PRR16: variants seen among roughly 807,000 people sequenced by gnomAD.
PRR16 encodes the protein protein Largen.
In PRR16, 6 loss-of-function variants were observed where a neutral mutation model predicts 18.2. The ratio of observed to expected loss-of-function variants is 0.33; its 90% confidence interval spans 0.18 to 0.65. The LOEUF is 0.65. Among genes scored for constraint, PRR16 ranks in the 30% least tolerant of loss-of-function variants. PRR16 has a pLI of 0.74. For synonymous variants in PRR16, 151 were observed against 147.8 expected (o/e 1.02, Z -0.16); for missense variants, 412 against 376.6 (o/e 1.09, Z -0.78).
At chr5:120,487,803 T>C (rs1334370182) in intron 1 of PRR16, among the ~76,000 whole-genome samples, 2 of 152,214 alleles carry the variant, frequency 1.3e-5, no homozygotes, top group African/African-American at 4.8e-5. Context: ...ATAGCTCTTA[T>C]TATTTTGAGA....
At chr5:120,571,531 G>A (rs944255918) in intron 1 of PRR16, among the ~76,000 whole-genome samples, 1 of 152,088 alleles carries the variant, frequency 6.6e-6, no homozygotes, top group African/African-American at 2.4e-5. Context: ...GGAATCCACT[G>A]GAGGTTTTTG....
At chr5:120,777,535 G>C in the PRR16 span, among the ~76,000 whole-genome samples, 1 of 150,630 alleles carries the variant, frequency 6.6e-6, no homozygotes, top group African/African-American at 2.4e-5. Context: ...ATTCTCATTA[G>C]TTTTGTCCTT....
At chr5:120,580,865 G>T (rs1221507631) in intron 1 of PRR16, among the ~76,000 whole-genome samples, 1 of 152,180 alleles carries the variant, frequency 6.6e-6, no homozygotes, top group Non-Finnish European at 1.5e-5. Flanking sequence ...TGCATCCCAG[G>T]GATGAAGCCA....
intron 1 of PRR16, among the ~76,000 whole-genome samples, chr5:120,487,218 A>T (rs561285136): frequency 6.6e-6 from 1 of 152,276 alleles, no homozygotes; most frequent in East Asian, 1.9e-4. Context: ...ATGGCATTGA[A>T]TCTATAAATT....
intron 1 of PRR16, among the ~76,000 whole-genome samples, chr5:120,665,410 C>T (rs1756334809): frequency 6.6e-6 from 1 of 151,792 alleles, no homozygotes; most frequent in South Asian, 2.1e-4. Context: ...TGTAGGTTGC[C>T]TGTTCACTCT....
chr5:120,747,885 C>A, the PRR16 span, among the ~76,000 whole-genome samples: 4 of 152,100 alleles, frequency 2.6e-5, no homozygotes, highest in Non-Finnish European at 4.4e-5. Context: ...AACAATTATG[C>A]GTACTCTTAG....
At chr5:120,729,918 T>C in the PRR16 span, among the ~76,000 whole-genome samples, 7 of 152,118 alleles carry the variant, frequency 4.6e-5, no homozygotes, top group Non-Finnish European at 5.9e-5. Context: ...TGGCTTTCAA[T>C]CTTTGCTCTG....
At chr5:120,754,160 T>C in the PRR16 span, among the ~76,000 whole-genome samples, 3 of 68,700 alleles carry the variant, frequency 4.4e-5, no homozygotes, top group East Asian at 4.7e-4. Context: ...ATAAATATGA[T>C]ATATAAATAT....
chr5:120,722,066 C>A, the PRR16 span, among the ~76,000 whole-genome samples: 2 of 151,896 alleles, frequency 1.3e-5, no homozygotes, highest in African/African-American at 2.4e-5. Flanking sequence ...GTGTTCCCCT[C>A]CCTGTTTCCA....
intron 1 of PRR16, among the ~76,000 whole-genome samples, chr5:120,672,152 A>G: frequency 6.6e-6 from 1 of 152,064 alleles, no homozygotes; most frequent in East Asian, 1.9e-4. Flanking sequence ...CAGGAGCTCT[A>G]GGGCTGCATA....
chr5:120,526,931 A>G (rs10065202), intron 1 of PRR16, among the ~76,000 whole-genome samples: 25,317 of 152,104 alleles, frequency 0.17, 2,278 homozygotes, highest in African/African-American at 0.21. Flanking sequence ...GTTGTTGACT[A>G]TAGTGGCAAT....
At chr5:120,736,412 G>A in the PRR16 span, among the ~76,000 whole-genome samples, 2 of 152,060 alleles carry the variant, frequency 1.3e-5, no homozygotes, top group East Asian at 3.9e-4. Context: ...TTACAGGCAT[G>A]CAGCACCATG....
chr5:120,489,958 T>A (rs1380039743), intron 1 of PRR16, among the ~76,000 whole-genome samples: 1 of 152,236 alleles, frequency 6.6e-6, no homozygotes, highest in Non-Finnish European at 1.5e-5. Context: ...ATTCTTTTCT[T>A]TAAGAATGTT....
At chr5:120,782,089 C>T in the PRR16 span, among the ~76,000 whole-genome samples, 7 of 152,120 alleles carry the variant, frequency 4.6e-5, no homozygotes, top group Admixed American at 4.6e-4. Context: ...TGTAGTGACT[C>T]TTGAATGAAA....
the PRR16 span, among the ~76,000 whole-genome samples, chr5:120,716,465 C>T: frequency 1.3e-5 from 2 of 152,176 alleles, no homozygotes; most frequent in Non-Finnish European, 2.9e-5. Flanking sequence ...TTTCCTACCC[C>T]AGCTGTTTCA....
the PRR16 span, among the ~76,000 whole-genome samples, chr5:120,725,415 C>T: frequency 1.1e-4 from 16 of 150,836 alleles, no homozygotes; most frequent in African/African-American, 2.0e-4. Context: ...CAGTGCTTTG[C>T]GAGTCCAAGG....
the PRR16 span, among the ~76,000 whole-genome samples, chr5:120,713,185 T>A: frequency 6.6e-6 from 1 of 152,148 alleles, no homozygotes; most frequent in Non-Finnish European, 1.5e-5. Context: ...TGTGACAACA[T>A]GGATGAACTT....
chr5:120,471,492 G>A (rs1279679927), intron 1 of PRR16, among the ~76,000 whole-genome samples: 1 of 152,080 alleles, frequency 6.6e-6, no homozygotes, highest in Non-Finnish European at 1.5e-5. Context: ...TATGACTGAT[G>A]AATTAGAGAA....
At chr5:120,668,389 G>A (rs561330687) in intron 1 of PRR16, among the ~76,000 whole-genome samples, 2 of 149,416 alleles carry the variant, frequency 1.3e-5, no homozygotes, top group African/African-American at 2.5e-5. Flanking sequence ...GCACACTGAT[G>A]GGTCTTGACT....
Sources: allele counts gnomAD v4.1 joint callset (sites outside exome capture counted in the v4.1 genomes callset), GRCh38; gene constraint gnomAD v4.1.1; transcripts MANE v1.5; gene names NCBI Gene and HGNC (gene_info 2026-07-23, HGNC 2026-07-21).